The following CLIC5 variants were observed in gnomAD, a reference collection of about 807,000 sequenced individuals.
The protein encoded by CLIC5 is CLIC family member 5.
CLIC5 carries 20 observed loss-of-function variants against 24.7 expected under a neutral mutation model. The ratio of observed to expected loss-of-function variants is 0.81; its 90% CI spans 0.57 to 1.18. The LOEUF is 1.18. CLIC5 is among the 50% of genes most tolerant of loss of function. The pLI is 0.00. For synonymous variants in CLIC5, 159 were observed against 135.6 expected (o/e 1.17, Z -1.20); for missense variants, 341 against 326.1 (o/e 1.05, Z -0.35).
At chr6:46,127,001 A>C in the CLIC5 span, among the ~76,000 whole-genome samples, 1 of 152,246 alleles carries the variant, frequency 6.6e-6, no homozygotes, top group African/African-American at 2.4e-5. Context: ...TCTTGAGCGT[A>C]GTTCATGGGA....
At chr6:46,095,189 C>T in the CLIC5 span, among the ~76,000 whole-genome samples, 10 of 151,318 alleles carry the variant, frequency 6.6e-5, no homozygotes, top group South Asian at 1.3e-3. Flanking sequence ...CCCTCCTACG[C>T]CTCCAGGTCT....
chr6:45,921,049 C>T (rs886337630), intron 4 of CLIC5, among the ~76,000 whole-genome samples: 1 of 152,058 alleles, frequency 6.6e-6, no homozygotes, highest in Non-Finnish European at 1.5e-5. Flanking sequence ...AGAACAGTAG[C>T]CCAGTTACAG....
In CLIC5 at chr6:46,072,865, TC is replaced by T. The variant is rs2127475571; in HGVS notation, c.540+6837del. Among the ~76,000 whole-genome samples, 3 of 152,298 alleles carry T rather than the reference TC, an allele frequency of 2.0e-5. No individual in the cohort carries two copies. In the South Asian group the frequency reaches 6.2e-4, roughly 32 times the overall value. Reference sequence around the variant, plus strand: ...AACATTTCTGAGAGTTCATGGACCCTCCTGAAATCATCTGGCACAAATATTT... The same window carrying T: ...AACATTTCTGAGAGTTCATGGACCCTCTGAAATCATCTGGCACAAATATTT... On this transcript the variant is annotated intron_variant, in intron 1 of 5. Coordinates refer to the CLIC5 transcript ENST00000185206.
intron 5 of CLIC5, 113 bp downstream of exon 5, chr6:45,914,115 A>C: frequency 1.2e-6 from 1 of 818,406 alleles, no homozygotes; most frequent in Non-Finnish European, 1.7e-6. Flanking sequence ...ACCTGACTTC[A>C]GGGTCCAGGT....
the CLIC5 span, among the ~76,000 whole-genome samples, chr6:46,123,888 C>T: frequency 5.9e-5 from 9 of 152,056 alleles, no homozygotes; most frequent in South Asian, 2.1e-4. Flanking sequence ...ATGTGAAGGA[C>T]CTCTTCAAGG....
At chr6:45,983,974 C>CA (rs758942080) in intron 1 of CLIC5, among the ~76,000 whole-genome samples, 38 of 152,278 alleles carry the variant, frequency 2.5e-4, no homozygotes, top group Non-Finnish European at 1.2e-4. Context: ...GTAGTCCCAG[C>CA]ACTAAAATCA....
downstream of CLIC5, among the ~76,000 whole-genome samples, chr6:45,896,318 A>T (rs1211014837): frequency 1.3e-5 from 2 of 152,242 alleles, no homozygotes; most frequent in Non-Finnish European, 2.9e-5. Context: ...TTGAAATGTC[A>T]TTCCACTTAA....
intron 4 of CLIC5, among the ~76,000 whole-genome samples, chr6:45,930,812 CTAAT>C (rs1763708032): frequency 6.6e-6 from 1 of 152,180 alleles, no homozygotes; most frequent in African/African-American, 2.4e-5. Context: ...ATTAATTCAT[CTAAT>C]TAACATGACA....
chr6:45,907,592 C>T (rs1012815199), intron 5 of CLIC5, among the ~76,000 whole-genome samples: 1 of 152,048 alleles, frequency 6.6e-6, no homozygotes, highest in African/African-American at 2.4e-5. Flanking sequence ...AGTTTAAGTA[C>T]GATTGGTACT....
chr6:46,002,730 T>C (rs994664209), intron 1 of CLIC5, among the ~76,000 whole-genome samples: 11 of 152,226 alleles, frequency 7.2e-5, no homozygotes, highest in Admixed American at 2.6e-4. Flanking sequence ...CATGTCACTA[T>C]GGCAGAGAAG....
chr6:46,002,753 T>A (rs1766407773), intron 1 of CLIC5, among the ~76,000 whole-genome samples: 1 of 152,194 alleles, frequency 6.6e-6, no homozygotes, highest in African/African-American at 2.4e-5. Flanking sequence ...GGTAGGAGAC[T>A]TGAGAACAGG....
intron 1 of CLIC5, among the ~76,000 whole-genome samples, chr6:46,022,347 C>T (rs896396120): frequency 6.6e-6 from 1 of 152,156 alleles, no homozygotes; most frequent in African/African-American, 2.4e-5. Context: ...ACTCACTATA[C>T]CCAGAGTAGC....
upstream of CLIC5, among the ~76,000 whole-genome samples, chr6:46,017,381 G>T (rs1767048979): frequency 3.9e-5 from 6 of 152,168 alleles, no homozygotes; most frequent in Admixed American, 3.9e-4. Context: ...TTACATGTGT[G>T]AACTTGTATA....
At chr6:45,996,691 A>C (rs1766154203) in intron 1 of CLIC5, among the ~76,000 whole-genome samples, 1 of 152,348 alleles carries the variant, frequency 6.6e-6, no homozygotes, top group African/African-American at 2.4e-5. Context: ...AAAGTGGGCG[A>C]AGGATATGAA....
At chr6:46,067,056 A>G (rs1333648525) in intron 1 of CLIC5, among the ~76,000 whole-genome samples, 1 of 152,178 alleles carries the variant, frequency 6.6e-6, no homozygotes, top group African/African-American at 2.4e-5. Flanking sequence ...GAACTTGATC[A>G]TGTTGGCAAT....
At chr6:45,896,433 CCTTG>C (rs35085880), downstream of CLIC5, among the ~76,000 whole-genome samples, 9,449 of 152,224 alleles carry the variant, frequency 0.062, 352 homozygotes, top group South Asian at 0.098. Context: ...CAGAAAGGAG[CCTTG>C]CTCAAGGGCA....
intron 1 of CLIC5, among the ~76,000 whole-genome samples, chr6:46,006,101 T>TGTATAA (rs1561998955): frequency 1.7e-4 from 8 of 46,378 alleles, no homozygotes; most frequent in African/African-American, 6.8e-4. Flanking sequence ...TACATATATA[T>TGTATAA]ATATATATAT....
chr6:45,934,591 C>T (rs1763863685), intron 4 of CLIC5, among the ~76,000 whole-genome samples: 1 of 152,194 alleles, frequency 6.6e-6, no homozygotes, highest in South Asian at 2.1e-4. Flanking sequence ...GCTTTTCAGA[C>T]CTCTCACTAG....
At chr6:46,035,808 G>T (rs1243856507) in intron 1 of CLIC5, among the ~76,000 whole-genome samples, 1 of 151,530 alleles carries the variant, frequency 6.6e-6, no homozygotes, top group Admixed American at 6.6e-5. Flanking sequence ...GCAGTGGTGC[G>T]ATCTCAGCTC....
Sources: allele counts gnomAD v4.1 joint callset (sites outside exome capture counted in the v4.1 genomes callset), GRCh38; gene constraint gnomAD v4.1.1; transcripts MANE v1.5; gene names NCBI Gene and HGNC (gene_info 2026-07-23, HGNC 2026-07-21).